Variants in ADCY10 observed in about 807,000 individuals in gnomAD.
ADCY10 encodes adenylate cyclase type 10.
A neutral mutation model predicts 183.3 loss-of-function variants in ADCY10; 156 were observed. The observed-to-expected ratio is 0.85, with a 90% confidence interval of 0.75 to 0.97. The LOEUF is 0.97. Among genes scored for constraint, ADCY10 ranks in the 50% least tolerant of loss-of-function variants. The pLI is 0.00. For synonymous variants in ADCY10, 645 were observed against 670.0 expected, an observed-to-expected ratio of 0.96 and a Z score of 0.58; for missense variants, 1,745 against 1,934.3, an observed-to-expected ratio of 0.90 and a Z score of 1.84.
At chr1:167,910,018 T>C (rs61807007) in intron 1 of ADCY10, among the ~76,000 whole-genome samples, 68 of 152,302 alleles carry the variant, frequency 4.5e-4, no homozygotes, top group South Asian at 1.0e-3. Flanking sequence ...TATGACCCTT[T>C]CACGTGGAAC....
chr1:167,834,889 C>T (rs1248092799), intron 23 of ADCY10, among the ~76,000 whole-genome samples: 1 of 152,166 alleles, frequency 6.6e-6, no homozygotes, highest in African/African-American at 2.4e-5. Context: ...AGTTGGCCCC[C>T]AGGGCTACCT....
intron 23 of ADCY10, chr1:167,834,658 T>A (rs2863273): frequency 0.2 from 33,883 of 168,714 alleles, 3,571 homozygotes; most frequent in Middle Eastern, 0.25. Flanking sequence ...TTGAAGAATA[T>A]AATAAGGTGA....
intron 8 of ADCY10, among the ~76,000 whole-genome samples, chr1:167,888,268 T>A (rs1668359714): frequency 1.3e-5 from 2 of 152,206 alleles, no homozygotes; most frequent in South Asian, 4.1e-4. Flanking sequence ...GGGTCTTTTG[T>A]GGTTCCATGT....
chr1:167,819,979 A>G (rs1662785350), intron 30 of ADCY10: 3 of 1,456,546 alleles, frequency 2.1e-6, no homozygotes, highest in African/African-American at 2.8e-5. Flanking sequence ...TTGTTTTGCC[A>G]CTAACAAAGT....
rs3213588 is a variant in ADCY10 at position 167,809,606 on chromosome 1, G to A, written c.*72C>T. 0.42 allele frequency: 641,562 copies of A among 1,538,322 alleles called. 140,724 individuals are homozygous for A. Among genetic ancestry groups the A allele is most frequent in the African/African-American group, 0.76 (55,833 of 73,502 alleles). On this transcript the variant is annotated 3_prime_UTR_variant, in exon 33 of 33. Coordinates refer to ENST00000367851, the MANE Select transcript of ADCY10 (RefSeq NM_018417.6). ...TTATGTAGGAACCTGGAGTGGGCCAGCCACGGAGAAAGGTCAATAATAGAT... is the reference window on the plus strand; with the variant it reads ...TTATGTAGGAACCTGGAGTGGGCCAACCACGGAGAAAGGTCAATAATAGAT...
At chr1:167,907,431 T>A (rs1351334464) in intron 1 of ADCY10, among the ~76,000 whole-genome samples, 1 of 152,342 alleles carries the variant, frequency 6.6e-6, no homozygotes, top group East Asian at 1.9e-4. Context: ...TTGCCTTCAC[T>A]TTGGGACCCA....
intron 21 of ADCY10, among the ~76,000 whole-genome samples, chr1:167,838,838 C>A (rs545932783): frequency 2.6e-5 from 4 of 152,312 alleles, no homozygotes; most frequent in African/African-American, 9.6e-5. Flanking sequence ...GAAACTTATA[C>A]CCACTTACAA....
chr1:167,822,251 A>G (rs1343621031), intron 29 of ADCY10, 110 bp from the exon 30 acceptor site: 2 of 817,514 alleles, frequency 2.4e-6, no homozygotes, highest in Middle Eastern at 3.3e-4. Context: ...GCCTCTGATT[A>G]TTGTATGAAT....
intron 13 of ADCY10, 129 bp downstream of exon 13, chr1:167,875,002 T>A: frequency 1.2e-6 from 1 of 860,278 alleles, no homozygotes; most frequent in Non-Finnish European, 1.9e-6. Flanking sequence ...TTCTATTTCT[T>A]AACCTGGATG....
chr1:167,883,678 T>C, intron 8 of ADCY10, 50 bp from the exon 9 acceptor site: 2 of 1,576,946 alleles, frequency 1.3e-6, no homozygotes, highest in Non-Finnish European at 1.7e-6. Flanking sequence ...AGTGGATCCC[T>C]CCCCCAACAC....
At chr1:167,865,140 C>T (rs1009832467) in intron 14 of ADCY10, among the ~76,000 whole-genome samples, 13 of 152,038 alleles carry the variant, frequency 8.6e-5, no homozygotes, top group African/African-American at 3.1e-4. Context: ...ATTGAAGAAA[C>T]AGTTTATGTG....
At chr1:167,843,044 A>T (rs892459050) in intron 21 of ADCY10, among the ~76,000 whole-genome samples, 1 of 152,226 alleles carries the variant, frequency 6.6e-6, no homozygotes. Flanking sequence ...TGAACAGGTG[A>T]AAAATTCTGA....
rs150932529 is a variant in ADCY10 at position 167,896,607 on chromosome 1, C to G, written c.727G>C (p.Gly243Arg). 4 of 1,611,944 alleles carry G rather than the reference C, an allele frequency of 2.5e-6. No homozygotes were observed. The highest frequency in any genetic ancestry group is 3.3e-4 in the Middle Eastern group (2 of 6,080). ...GGTGGGTACTTACTTTTGTGCTCAC[C>G]AGAAGGATAATAATGCATGAAGGTC... is the stretch of plus-strand genomic sequence containing the variant. ...CTTFMHYYPSGEHKNLLRLAC... is the reference protein window; with the variant it reads ...CTTFMHYYPSREHKNLLRLAC... The change falls in exon 7 of 33, where the codon GGT becomes CGT. Residue 243 changes from glycine (G) to arginine (R), a missense_variant. By Grantham distance (125) the Gly-to-Arg change is moderately radical. Coordinates refer to ENST00000367851, the MANE Select transcript of ADCY10 (RefSeq NM_018417.6).
intron 15 of ADCY10, 120 bp downstream of exon 15, chr1:167,860,751 C>G: frequency 1.2e-6 from 1 of 811,232 alleles, no homozygotes; most frequent in South Asian, 1.4e-5. Context: ...GAGCCATTTA[C>G]TCACCATCTG....
chr1:167,868,120 T>A (rs1666834674), intron 14 of ADCY10, among the ~76,000 whole-genome samples: 1 of 152,194 alleles, frequency 6.6e-6, no homozygotes, highest in East Asian at 1.9e-4. Context: ...AGACTTTCTA[T>A]GATTAACTAA....
At chr1:167,820,487 C>T (rs1662836588) in intron 30 of ADCY10, 5 of 396,708 alleles carry the variant, frequency 1.3e-5, no homozygotes, top group East Asian at 3.6e-5. Context: ...AAAAAATTCT[C>T]CTGCTGAGAT....
rs189883096 is a variant in ADCY10 at position 167,828,229 on chromosome 1, T to G, written c.3750+1038A>C. ...AAATATTCAGTGGAATACAAGTGAT[T>G]ATTATGCTGTTACTAGACAAGTTTT... is the stretch of plus-strand genomic sequence containing the variant. On this transcript the variant is annotated intron_variant, in intron 26 of 32. Transcript: ENST00000367851. Among the ~76,000 whole-genome samples the G allele has an allele frequency of 2.6e-5, 4 of 152,360 alleles. No individual in the cohort carries two copies. In the East Asian group the frequency reaches 7.7e-4, roughly 29 times the overall value.
chr1:167,891,435 T>A (rs1377915896), intron 8 of ADCY10, among the ~76,000 whole-genome samples: 1 of 151,274 alleles, frequency 6.6e-6, no homozygotes, highest in African/African-American at 2.4e-5. Flanking sequence ...GGCGGGAAGA[T>A]CACGAGGTCA....
rs530257683 is a variant in ADCY10 at position 167,875,168 on chromosome 1, G to T, written c.1425C>A (p.Cys475Ter). 1 of 1,614,090 alleles carries T rather than the reference G, an allele frequency of 6.2e-7. No homozygotes were observed. Among genetic ancestry groups the T allele is most frequent in the Non-Finnish European group, 8.5e-7 (1 of 1,179,978 alleles). ...AATCCTCCTTTCTGTTGCAGATGAG[G>T]CACGCCATACCAAACATGCTGAAGA... ...RTEKVMFGMA[C>*]LICNRKEDYP... The change falls in exon 13 of 33, where the codon TGC becomes TGA. Residue 475 changes from cysteine (C) to a stop codon, truncating the protein, a stop_gained. Transcript: ENST00000367851. LOFTEE classifies it high-confidence loss of function.
Sources: gnomAD v4.1 joint callset for allele counts (sites outside exome capture counted in the v4.1 genomes callset) on GRCh38, gnomAD v4.1.1 for gene constraint, MANE v1.5 for transcripts, NCBI Gene and HGNC (gene_info 2026-07-23, HGNC 2026-07-21) for gene names.